ADGRL2: variants seen among roughly 807,000 people sequenced by gnomAD.
The protein encoded by ADGRL2 is adhesion G protein-coupled receptor L2, also known as calcium-independent alpha-latrotoxin receptor 2.
A neutral mutation model predicts 157.4 loss-of-function variants in ADGRL2; 44 were observed. The ratio of observed to expected loss-of-function variants is 0.28; its 90% CI spans 0.22 to 0.36. The LOEUF (loss-of-function observed/expected upper bound fraction) is 0.36, where lower values mean the gene tolerates loss of function less well. ADGRL2 is among the 10% of genes least tolerant of loss of function. ADGRL2 has a pLI of 1.00. For synonymous variants in ADGRL2, 585 were observed against 624.7 expected (o/e 0.94, Z 0.95); for missense variants, 1,510 against 1,768.9 (o/e 0.85, Z 2.63).
At chr1:81,669,696 A>G (rs1278470063) in intron 3 of ADGRL2, among the ~76,000 whole-genome samples, 2 of 152,164 alleles carry the variant, frequency 1.3e-5, no homozygotes, top group East Asian at 3.9e-4. Flanking sequence ...TAATCCCAGC[A>G]CTTTGGGAGG....
chr1:81,963,667 A>C (rs1656176042), intron 11 of ADGRL2, among the ~76,000 whole-genome samples: 1 of 151,638 alleles, frequency 6.6e-6, no homozygotes. Context: ...TATTTGATGA[A>C]TTATATGAAT....
At chr1:81,827,594 C>A (rs900277069) in intron 1 of ADGRL2, among the ~76,000 whole-genome samples, 1 of 152,142 alleles carries the variant, frequency 6.6e-6, no homozygotes, top group Non-Finnish European at 1.5e-5. Context: ...GAGATAGAAT[C>A]TCTCTTCGTC....
chr1:81,686,613 G>T lies in ADGRL2; in HGVS notation c.-142-75198G>T, dbSNP rs576107075. Among the ~76,000 whole-genome samples, 91 of 151,760 alleles carry T rather than the reference G, an allele frequency of 6.0e-4. 1 individual carries two copies. Among genetic ancestry groups the T allele is most frequent in the Middle Eastern group, 3.4e-3 (1 of 294 alleles). ...GTTTCATTTAACTTTGGTATTTTTT[G>T]TTTGTTTGTTTCAGTTTCATTTAAT... is the stretch of plus-strand genomic sequence containing the variant. On this transcript the variant is annotated intron_variant, in intron 3 of 24. Transcript: ENST00000370721.
At chr1:81,747,054 A>G (rs2085298387) in intron 1 of ADGRL2, among the ~76,000 whole-genome samples, 1 of 147,214 alleles carries the variant, frequency 6.8e-6, no homozygotes, top group African/African-American at 2.5e-5. Context: ...GTATATACGT[A>G]TATACACATG....
intron 6 of ADGRL2, among the ~76,000 whole-genome samples, chr1:81,947,313 A>G (rs1159626784): frequency 6.6e-6 from 1 of 152,092 alleles, no homozygotes; most frequent in Admixed American, 6.5e-5. Context: ...CCAAATTGTT[A>G]TTCTTTTAGA....
At chr1:81,332,990 G>A (rs1435194932) in intron 1 of ADGRL2, among the ~76,000 whole-genome samples, 1 of 152,168 alleles carries the variant, frequency 6.6e-6, no homozygotes, top group Non-Finnish European at 1.5e-5. Flanking sequence ...AGCGACCTGG[G>A]AATTAGGAAA....
intron 2 of ADGRL2, among the ~76,000 whole-genome samples, chr1:81,778,748 C>T (rs915441457): frequency 9.9e-5 from 15 of 151,812 alleles, no homozygotes; most frequent in South Asian, 4.1e-4. Flanking sequence ...TAGAAGTTCT[C>T]CTTGTAATAA....
intron 2 of ADGRL2, among the ~76,000 whole-genome samples, chr1:81,899,729 TGAAATA>T (rs770153356): frequency 1.1e-4 from 16 of 152,176 alleles, no homozygotes; most frequent in Non-Finnish European, 1.2e-4. Context: ...TTGTTGTTGT[TGAAATA>T]GAAATAGACT....
chr1:81,922,836 T>C (rs2095018746), intron 3 of ADGRL2, among the ~76,000 whole-genome samples: 1 of 152,150 alleles, frequency 6.6e-6, no homozygotes, highest in Non-Finnish European at 1.5e-5. Flanking sequence ...ACCAAAATAG[T>C]GAGACCCCAT....
rs2101053525 is a variant in ADGRL2, at chr1:81,382,034, A to G, written c.-301-63002A>G. Among the ~76,000 whole-genome samples the G allele has an allele frequency of 2.0e-5, 3 of 152,320 alleles. No individual in the cohort carries two copies. In the South Asian group the frequency reaches 6.2e-4, roughly 32 times the overall value. On this transcript the variant is annotated intron_variant, in intron 1 of 24. Transcript: ENST00000370721. ...GAATATTTGTTCCAATGTTTCACTAATTATCGACATGAAAGAATCTTGTAG... is the reference window on the plus strand; with the variant it reads ...GAATATTTGTTCCAATGTTTCACTAGTTATCGACATGAAAGAATCTTGTAG...
chr1:81,773,871 G>T (rs2086471629), intron 2 of ADGRL2, among the ~76,000 whole-genome samples: 1 of 152,220 alleles, frequency 6.6e-6, no homozygotes, highest in African/African-American at 2.4e-5. Flanking sequence ...GGTCTTTAAA[G>T]AGTACACTAA....
intron 3 of ADGRL2, among the ~76,000 whole-genome samples, chr1:81,935,699 G>C (rs567595389): frequency 2.6e-5 from 4 of 151,770 alleles, no homozygotes; most frequent in Non-Finnish European, 2.9e-5. Flanking sequence ...CTTAATGTAT[G>C]TGCTATCAGA....
At chr1:81,406,235 G>T (rs932475080) in intron 1 of ADGRL2, among the ~76,000 whole-genome samples, 1 of 152,026 alleles carries the variant, frequency 6.6e-6, no homozygotes, top group African/African-American at 2.4e-5. Context: ...TGTGTTAAGG[G>T]CTTCACAATA....
chr1:81,737,249 G>T (rs902822060), intron 1 of ADGRL2, among the ~76,000 whole-genome samples: 1 of 152,190 alleles, frequency 6.6e-6, no homozygotes, highest in Non-Finnish European at 1.5e-5. Flanking sequence ...ATGAAGAAAA[G>T]AGGTTTAATT....
At chr1:81,589,688 T>C (rs932319885) in intron 3 of ADGRL2, among the ~76,000 whole-genome samples, 12 of 152,084 alleles carry the variant, frequency 7.9e-5, no homozygotes, top group Non-Finnish European at 1.3e-4. Context: ...ATTATGAAAG[T>C]AGTATTTATT....
At chr1:81,387,759 G>A (rs932357406) in intron 1 of ADGRL2, among the ~76,000 whole-genome samples, 3 of 152,026 alleles carry the variant, frequency 2.0e-5, no homozygotes, top group Admixed American at 6.6e-5. Context: ...CTGGGAATAC[G>A]GGTGGCCTCT....
At chr1:81,940,568 C>T (rs1647527195) in intron 4 of ADGRL2, among the ~76,000 whole-genome samples, 1 of 151,572 alleles carries the variant, frequency 6.6e-6, no homozygotes, top group Non-Finnish European at 1.5e-5. Context: ...GTATGCCATT[C>T]CTATGGCAAA....
chr1:81,425,473 G>A (rs998647933), intron 1 of ADGRL2, among the ~76,000 whole-genome samples: 8 of 152,078 alleles, frequency 5.3e-5, no homozygotes, highest in African/African-American at 1.4e-4. Flanking sequence ...ACTTTTCAGG[G>A]GAAAAAATAT....
intron 3 of ADGRL2, among the ~76,000 whole-genome samples, chr1:81,687,436 T>C (rs2083251156): frequency 2.0e-5 from 3 of 152,208 alleles, no homozygotes; most frequent in South Asian, 4.1e-4. Context: ...TTAAAGTTTG[T>C]TTTGTCTGAT....
Sources: allele counts gnomAD v4.1 joint callset (sites outside exome capture counted in the v4.1 genomes callset), GRCh38; gene constraint gnomAD v4.1.1; transcripts MANE v1.5; gene names NCBI Gene and HGNC (gene_info 2026-07-23, HGNC 2026-07-21).